GPC5: variants seen among roughly 807,000 people sequenced by gnomAD.
GPC5 encodes the protein glypican 5.
In GPC5, 47 loss-of-function variants were observed where a neutral mutation model predicts 53.9. The observed-to-expected ratio is 0.87, with a 90% CI of 0.69 to 1.11. The LOEUF is 1.11. Among genes scored for constraint, GPC5 ranks in the 50% most tolerant of loss-of-function variants. The pLI is 0.00. For missense variants in GPC5, 748 were observed against 713.1 expected (o/e 1.05, Z -0.56); for synonymous variants, 286 against 263.3 (o/e 1.09, Z -0.84).
intron 6 of GPC5, among the ~76,000 whole-genome samples, chr13:92,034,419 A>T (rs9589408): frequency 0.024 from 3,635 of 152,196 alleles, 164 homozygotes; most frequent in African/African-American, 0.082. Context: ...AATCACTTGA[A>T]CCCAGGAGGC....
At chr13:92,476,028 A>T (rs964728275) in intron 7 of GPC5, among the ~76,000 whole-genome samples, 1 of 152,038 alleles carries the variant, frequency 6.6e-6, no homozygotes, top group African/African-American at 2.4e-5. Context: ...GCAACAAAAG[A>T]CAAAATTGAG....
At chr13:92,056,892 C>G (rs2041078945) in intron 6 of GPC5, among the ~76,000 whole-genome samples, 2 of 152,146 alleles carry the variant, frequency 1.3e-5, no homozygotes, top group Non-Finnish European at 2.9e-5. Context: ...ATTCAAATAT[C>G]ATAAAACAGT....
intron 7 of GPC5, among the ~76,000 whole-genome samples, chr13:92,351,985 G>C (rs1226383999): frequency 6.6e-6 from 1 of 152,092 alleles, no homozygotes; most frequent in Non-Finnish European, 1.5e-5. Context: ...TTGTGGAAGA[G>C]TAAAGAACAA....
At chr13:92,075,055 C>T (rs1289785463) in intron 6 of GPC5, among the ~76,000 whole-genome samples, 2 of 152,096 alleles carry the variant, frequency 1.3e-5, no homozygotes, top group Non-Finnish European at 2.9e-5. Flanking sequence ...TGTGCATATG[C>T]CTGTTTTGAA....
intron 2 of GPC5, among the ~76,000 whole-genome samples, chr13:91,614,393 T>G (rs1304736376): frequency 2.6e-5 from 4 of 152,148 alleles, no homozygotes; most frequent in African/African-American, 9.7e-5. Flanking sequence ...AGTGGCATGA[T>G]CTCGGTTCAC....
At chr13:91,493,633 AG>A in intron 2 of GPC5, among the ~76,000 whole-genome samples, 1 of 152,076 alleles carries the variant, frequency 6.6e-6, no homozygotes, top group African/African-American at 2.4e-5. Flanking sequence ...CCAACTCGCA[AG>A]GGGGCCCTCG....
chr13:91,954,307 T>A (rs948685001), intron 6 of GPC5, among the ~76,000 whole-genome samples: 9 of 152,174 alleles, frequency 5.9e-5, no homozygotes, highest in African/African-American at 2.2e-4. Flanking sequence ...CAGCCCATTT[T>A]CTCTATGAAT....
At chr13:92,397,556 G>C (rs1273898929) in intron 7 of GPC5, among the ~76,000 whole-genome samples, 1 of 152,254 alleles carries the variant, frequency 6.6e-6, no homozygotes, top group South Asian at 2.1e-4. Context: ...TATGATTTCC[G>C]CAGCTTCTGC....
intron 4 of GPC5, among the ~76,000 whole-genome samples, chr13:91,743,928 C>T (rs2036991822): frequency 6.6e-6 from 1 of 152,122 alleles, no homozygotes; most frequent in African/African-American, 2.4e-5. Context: ...GCTTCCTTCT[C>T]AGAAATGTGA....
intron 7 of GPC5, among the ~76,000 whole-genome samples, chr13:92,229,628 A>C (rs2042515368): frequency 6.6e-6 from 1 of 152,128 alleles, no homozygotes; most frequent in South Asian, 2.1e-4. Context: ...CTTTCTTGTC[A>C]TGTCAGCCTG....
rs372862312 is a variant in GPC5, at chr13:92,857,126, C to T, written c.1562-9156C>T. On this transcript the variant is annotated intron_variant, in intron 7 of 7. Coordinates refer to ENST00000377067, the MANE Select transcript of GPC5 (RefSeq NM_004466.6). ...CATGGTACCGGTACAAAAACACAGA[C>T]GAAATGGAACAGAATAGATAATGCA... Among the ~76,000 whole-genome samples, 13 of 151,748 alleles carry T rather than the reference C, an allele frequency of 8.6e-5. No homozygotes were observed. In the East Asian group the frequency reaches 1.2e-3, roughly 14 times the overall value.
chr13:92,538,623 AC>A (rs1325073811), intron 7 of GPC5, among the ~76,000 whole-genome samples: 1 of 141,478 alleles, frequency 7.1e-6, no homozygotes, highest in African/African-American at 2.6e-5. Context: ...GCAACTCACC[AC>A]CCAGCAGGCC....
At chr13:92,518,327 A>G (rs1880877606) in intron 7 of GPC5, among the ~76,000 whole-genome samples, 1 of 152,254 alleles carries the variant, frequency 6.6e-6, no homozygotes, top group South Asian at 2.1e-4. Flanking sequence ...CATCATTGTC[A>G]GATTCACCAA....
intron 2 of GPC5, among the ~76,000 whole-genome samples, chr13:91,613,502 C>A (rs2033615282): frequency 6.6e-6 from 1 of 152,140 alleles, no homozygotes; most frequent in South Asian, 2.1e-4. Flanking sequence ...GGGGACACAG[C>A]AAAACCATAT....
intron 7 of GPC5, among the ~76,000 whole-genome samples, chr13:92,341,202 A>G (rs904832219): frequency 6.6e-6 from 1 of 152,166 alleles, no homozygotes; most frequent in African/African-American, 2.4e-5. Flanking sequence ...TTAAATTTCC[A>G]TAAATTTTTC....
At chr13:92,862,697 G>A (rs1177699762) in intron 7 of GPC5, among the ~76,000 whole-genome samples, 1 of 152,074 alleles carries the variant, frequency 6.6e-6, no homozygotes, top group African/African-American at 2.4e-5. Context: ...TGAAGGAAAA[G>A]GCTGTAAGTA....
At chr13:91,430,182 T>A (rs533521672) in intron 1 of GPC5, among the ~76,000 whole-genome samples, 3 of 152,112 alleles carry the variant, frequency 2.0e-5, no homozygotes, top group African/African-American at 4.8e-5. Context: ...TAGAAACCCA[T>A]AAGGAAAAAA....
At chr13:92,798,739 T>C (rs1357129492) in intron 7 of GPC5, among the ~76,000 whole-genome samples, 1 of 151,884 alleles carries the variant, frequency 6.6e-6, no homozygotes, top group Non-Finnish European at 1.5e-5. Context: ...AATTTTTCCT[T>C]TCATAGCATT....
intron 5 of GPC5, among the ~76,000 whole-genome samples, chr13:91,848,932 A>G (rs941285445): frequency 3.2e-4 from 49 of 152,336 alleles, no homozygotes; most frequent in African/African-American, 1.2e-3. Flanking sequence ...GAAACTTAAT[A>G]TAATATAGAT....
Sources: allele counts gnomAD v4.1 joint callset (sites outside exome capture counted in the v4.1 genomes callset), GRCh38; gene constraint gnomAD v4.1.1; transcripts MANE v1.5; gene names NCBI Gene and HGNC (gene_info 2026-07-23, HGNC 2026-07-21).